Variants in LSAMP observed in about 807,000 individuals in gnomAD.
The protein encoded by LSAMP is limbic system-associated membrane protein.
In LSAMP, 7 loss-of-function variants were observed where a neutral mutation model predicts 38.6. The ratio of observed to expected loss-of-function variants is 0.18; its 90% CI spans 0.10 to 0.34. LSAMP has a LOEUF of 0.34. Among genes scored for constraint, LSAMP ranks in the 10% least tolerant of loss-of-function variants. LSAMP has a pLI of 1.00. For synonymous variants in LSAMP, 154 were observed against 166.8 expected (o/e 0.92, Z 0.59); for missense variants, 313 against 420.0 (o/e 0.75, Z 2.23).
chr3:116,016,094 C>G (rs976014167), intron 3 of LSAMP, among the ~76,000 whole-genome samples: 10 of 151,966 alleles, frequency 6.6e-5, no homozygotes, highest in Non-Finnish European at 1.0e-4. Context: ...TTCTTTGGGT[C>G]TCTTCCACAT....
At chr3:116,324,400 T>G (rs1049846879) in intron 1 of LSAMP, among the ~76,000 whole-genome samples, 2 of 152,188 alleles carry the variant, frequency 1.3e-5, no homozygotes, top group Non-Finnish European at 2.9e-5. Context: ...GTCATTCGTT[T>G]ACTCACTTAG....
At chr3:115,937,809 GATATTGGCTAATCCTGTATGGCCAGCTAC>G (rs879492682) in intron 3 of LSAMP, among the ~76,000 whole-genome samples, 71 of 5,506 alleles carry the variant, frequency 0.013, no homozygotes, top group Non-Finnish European at 0.061. Flanking sequence ...CCAGCTAAAT[GATATTGGCTAATCCTGTATGGCCAGCTAC>G]TTCTTCCACA....
At chr3:116,012,358 T>C (rs1466615147) in intron 3 of LSAMP, among the ~76,000 whole-genome samples, 3 of 152,218 alleles carry the variant, frequency 2.0e-5, no homozygotes, top group Non-Finnish European at 4.4e-5. Context: ...TTTTTGTGTG[T>C]GTGATAGTAT....
At position 116,137,560 on chromosome 3, in the gene LSAMP, C is replaced by T. The variant is rs1325279331; in HGVS notation, c.156-51004G>A. Among the ~76,000 whole-genome samples the T allele has an allele frequency of 2.6e-5, 4 of 152,054 alleles. No individual in the cohort carries two copies. The East Asian group carries it at 7.7e-4, about 29-fold the overall frequency. On this transcript the variant is annotated intron_variant, in intron 1 of 6. Coordinates refer to ENST00000490035, the MANE Select transcript of LSAMP (RefSeq NM_002338.5). ...ATGGATTTACATATAACATATACAT[C>T]CTTTGAGAAATAGTGAAACATAATC...
chr3:116,012,724 G>A (rs1220677523), intron 3 of LSAMP, among the ~76,000 whole-genome samples: 2 of 152,146 alleles, frequency 1.3e-5, no homozygotes, highest in East Asian at 3.8e-4. Flanking sequence ...AGAAGAGCCT[G>A]AGGTGGTTTT....
chr3:115,935,632 C>G (rs891473079), intron 3 of LSAMP, among the ~76,000 whole-genome samples: 3 of 152,156 alleles, frequency 2.0e-5, no homozygotes, highest in African/African-American at 7.2e-5. Context: ...TTATTTCTTT[C>G]TGGGTTTGAG....
intron 1 of LSAMP, among the ~76,000 whole-genome samples, chr3:116,384,471 A>T (rs983465531): frequency 1.3e-5 from 2 of 152,052 alleles, no homozygotes; most frequent in Non-Finnish European, 2.9e-5. Context: ...ATCCATATTG[A>T]TTTATTTTCT....
intron 3 of LSAMP, among the ~76,000 whole-genome samples, chr3:115,916,325 C>T (rs1937250327): frequency 6.6e-6 from 1 of 152,142 alleles, no homozygotes; most frequent in Admixed American, 6.5e-5. Context: ...GATGTTTATG[C>T]AATGGGACAT....
intron 1 of LSAMP, among the ~76,000 whole-genome samples, chr3:116,210,778 A>C (rs897795852): frequency 7.2e-5 from 11 of 152,232 alleles, no homozygotes; most frequent in African/African-American, 2.4e-4. Context: ...GAAGTAGAGC[A>C]AATTTCTAAT....
In LSAMP at chr3:115,897,341, G is replaced by A. The variant is rs561527395; in HGVS notation, c.515-44724C>T. ...ATCAAGAAATCTTATTACTGTTGGA[G>A]GATTATGGTGATTACATGATTTTTT... On this transcript the variant is annotated intron_variant, in intron 3 of 6. Coordinates refer to ENST00000490035, the MANE Select transcript of LSAMP (RefSeq NM_002338.5). Among the ~76,000 whole-genome samples, 271 of 152,144 alleles carry A rather than the reference G, an allele frequency of 1.8e-3. 1 individual carries two copies. Among genetic ancestry groups the A allele is most frequent in the African/African-American group, 6.4e-3 (265 of 41,522 alleles).
At chr3:115,815,916 G>A (rs927467388) in intron 6 of LSAMP, among the ~76,000 whole-genome samples, 1 of 152,136 alleles carries the variant, frequency 6.6e-6, no homozygotes, top group African/African-American at 2.4e-5. Context: ...AAGCAACAAA[G>A]TGTCCATAAT....
intron 1 of LSAMP, among the ~76,000 whole-genome samples, chr3:116,186,254 T>G (rs1030263739): frequency 8.5e-5 from 13 of 152,148 alleles, no homozygotes. Flanking sequence ...TAAAGGAAAC[T>G]CTTCTTTATA....
At chr3:116,125,401 T>G (rs1280402581) in intron 1 of LSAMP, among the ~76,000 whole-genome samples, 1 of 151,500 alleles carries the variant, frequency 6.6e-6, no homozygotes, top group Non-Finnish European at 1.5e-5. Context: ...GTTTTTTTTT[T>G]CAGTGTGTTT....
intron 6 of LSAMP, among the ~76,000 whole-genome samples, chr3:115,813,321 T>C (rs1375008043): frequency 6.6e-6 from 1 of 152,130 alleles, no homozygotes; most frequent in African/African-American, 2.4e-5. Flanking sequence ...CCATTGCCCA[T>C]AGTATTCTCT....
intron 1 of LSAMP, among the ~76,000 whole-genome samples, chr3:116,341,979 T>A (rs907820370): frequency 1.3e-5 from 2 of 152,000 alleles, no homozygotes; most frequent in Admixed American, 1.3e-4. Context: ...TTGAAAGGTG[T>A]AATTTCCCTC....
chr3:116,392,764 C>T (rs183607858), intron 1 of LSAMP, among the ~76,000 whole-genome samples: 1 of 152,338 alleles, frequency 6.6e-6, no homozygotes, highest in African/African-American at 2.4e-5. Context: ...AATCAGCATA[C>T]ACTTCCTCTG....
intron 3 of LSAMP, among the ~76,000 whole-genome samples, chr3:115,927,080 TTGAC>T (rs1336924822): frequency 3.3e-5 from 5 of 152,228 alleles, no homozygotes; most frequent in Non-Finnish European, 5.9e-5. Flanking sequence ...TGTTGACTGT[TTGAC>T]TGACAAATTG....
chr3:116,230,391 AAAG>A (rs919484995), intron 1 of LSAMP, among the ~76,000 whole-genome samples: 1 of 152,172 alleles, frequency 6.6e-6, no homozygotes, highest in African/African-American at 2.4e-5. Flanking sequence ...TGGATGGTAA[AAAG>A]AAGGATGTTT....
chr3:115,860,209 T>C (rs1935634974), intron 3 of LSAMP, among the ~76,000 whole-genome samples: 1 of 152,246 alleles, frequency 6.6e-6, no homozygotes, highest in Non-Finnish European at 1.5e-5. Flanking sequence ...TCTTATTTAA[T>C]TCACGATAGT....
Sources: gnomAD v4.1 joint callset for allele counts (sites outside exome capture counted in the v4.1 genomes callset) on GRCh38, gnomAD v4.1.1 for gene constraint, MANE v1.5 for transcripts, NCBI Gene and HGNC (gene_info 2026-07-23, HGNC 2026-07-21) for gene names.